Variants in LGR6 observed in about 807,000 individuals in gnomAD.
LGR6 encodes the protein leucine rich repeat containing G protein-coupled receptor 6.
A neutral mutation model predicts 69.4 loss-of-function variants in LGR6; 45 were observed. The ratio of observed to expected loss-of-function variants is 0.65; its 90% CI spans 0.51 to 0.83. The LOEUF is 0.83. LGR6 is among the 40% of genes least tolerant of loss of function. The probability of loss-of-function intolerance (pLI) is 0.00; values close to 1 mark genes in which losing one functional copy is unlikely to be tolerated. For synonymous variants in LGR6, 538 were observed against 555.0 expected (o/e 0.97, Z 0.43); for missense variants, 1,108 against 1,246.7 (o/e 0.89, Z 1.68).
At chr1:202,306,428 A>C (rs930395834) in intron 12 of LGR6, among the ~76,000 whole-genome samples, 2 of 152,132 alleles carry the variant, frequency 1.3e-5, no homozygotes, top group Non-Finnish European at 2.9e-5. Context: ...TGCCAAGGGA[A>C]GGAGGGTCTT....
Position 202,301,229 on chromosome 1 carries a change from A to G in LGR6, c.923A>G (p.His308Arg), listed in dbSNP as rs750014816. 1.2e-6 allele frequency: 2 copies of G among 1,613,838 alleles called. No homozygotes were observed. The highest frequency in any genetic ancestry group is 1.7e-6 in the Non-Finnish European group (2 of 1,179,838). Reference sequence around the variant, plus strand: ...GCATTCCAGTACCTGCCTAAACTCCACACACTGTAAGTTGGCTCCTGAAGG... The same window carrying G: ...GCATTCCAGTACCTGCCTAAACTCCGCACACTGTAAGTTGGCTCCTGAAGG... ...RSAFQYLPKL[H>R]TLSLNGAMDI... Residue 308 changes from histidine (H) to arginine (R), a missense_variant, in exon 9 of 18, where the codon CAC becomes CGC. Physicochemically the swap from His to Arg is conservative, Grantham distance 29. Transcript: ENST00000367278.
chr1:202,292,238 TCA>T (rs1006740015), intron 6 of LGR6, among the ~76,000 whole-genome samples: 3 of 152,182 alleles, frequency 2.0e-5, no homozygotes, highest in African/African-American at 7.2e-5. Context: ...AGTGACAGAC[TCA>T]GTTTTGCATT....
chr1:202,303,724 T>C (rs908793590), intron 10 of LGR6, among the ~76,000 whole-genome samples: 1 of 152,186 alleles, frequency 6.6e-6, no homozygotes, highest in African/African-American at 2.4e-5. Flanking sequence ...TATTTTCTAT[T>C]ATTATCTCCT....
At position 202,314,802 on chromosome 1, in the gene LGR6, A is replaced by T. The variant is rs776892212; in HGVS notation, c.1568A>T (p.Tyr523Phe). The T allele has an allele frequency of 6.2e-7, 1 of 1,613,408 alleles. No homozygotes were observed. The highest frequency in any genetic ancestry group is 1.1e-5 in the South Asian group (1 of 91,050). The change falls in exon 17 of 18, where the codon TAT becomes TTT. Residue 523 changes from tyrosine (Y) to phenylalanine (F), a missense_variant and splice_region_variant. Transcript: ENST00000367278. The part of the protein sequence containing the change: ...GLLARQAENH[Y>F]DQDLDELQLE... ...TGCATCACTTTGTCTCTCCTTTCAG[A>T]TGACCAGGACCTGGATGAGCTCCAG...
rs1389596569 is a variant in LGR6, at chr1:202,198,797, A to C, written c.212+4596A>C. Among the ~76,000 whole-genome samples the C allele has an allele frequency of 4.6e-5, 7 of 151,854 alleles. No individual in the cohort carries two copies. The East Asian group carries it at 1.4e-3, about 29-fold the overall frequency. On this transcript the variant is annotated intron_variant, in intron 1 of 17. Transcript: ENST00000367278. ...CTAGACGGGCCCCTGCAGGGGCTACAGATGAGGAAGCAGAGAAACAGGCAG... is the reference window on the plus strand; with the variant it reads ...CTAGACGGGCCCCTGCAGGGGCTACCGATGAGGAAGCAGAGAAACAGGCAG...
chr1:202,319,308 T>G lies in LGR6; in HGVS notation c.*101T>G. 7.6e-7 allele frequency: 1 copy of G among 1,308,080 alleles called. No individual in the cohort carries two copies. The highest frequency in any genetic ancestry group is 2.8e-5 in the Admixed American group (1 of 35,958). 81.0% of individuals were successfully genotyped at this position (1,308,080 alleles called of 1,614,324 possible). On this transcript the variant is annotated 3_prime_UTR_variant, in exon 18 of 18. Coordinates refer to ENST00000367278, the MANE Select transcript of LGR6 (RefSeq NM_001017403.2). ...AACAAATACAACCAAAACTCAGCAG[T>G]GTGATCTATAGCAGGATGGCCCAGT...
At chr1:202,230,777 C>A (rs541143874) in intron 3 of LGR6, among the ~76,000 whole-genome samples, 2 of 152,338 alleles carry the variant, frequency 1.3e-5, no homozygotes, top group South Asian at 4.1e-4. Flanking sequence ...CATCTTCTCA[C>A]ATCTGCAGAC....
At chr1:202,254,095 G>A (rs913781133) in intron 4 of LGR6, among the ~76,000 whole-genome samples, 5 of 152,106 alleles carry the variant, frequency 3.3e-5, no homozygotes, top group South Asian at 2.1e-4. Context: ...GTGAGCCACC[G>A]CGCCCGGCCT....
intron 1 of LGR6, among the ~76,000 whole-genome samples, chr1:202,206,892 TA>T (rs1454508426): frequency 0.01 from 63 of 6,240 alleles, no homozygotes; most frequent in East Asian, 0.048. Context: ...CAAATTATTT[TA>T]TTTATTTATT....
Position 202,300,957 on chromosome 1 carries a change from A to G in LGR6, c.857+37A>G, listed in dbSNP as rs535217138. ...TTTCTCTGGTCTCTTAATGCCGAAC[A>G]GTGTTTCAGGGAGGAGGACAGAGGA... On this transcript the variant is annotated intron_variant, in intron 8 of 17. Coordinates refer to ENST00000367278, the MANE Select transcript of LGR6 (RefSeq NM_001017403.2). The G allele has an allele frequency of 4.6e-5, 71 of 1,557,886 alleles. No individual in the cohort carries two copies. In the African/African-American group the frequency reaches 4.7e-4, roughly 10 times the overall value.
rs1666040489 is a variant in LGR6, at chr1:202,281,985, G to A, written c.716+1133G>A. 1.3e-5 allele frequency among the ~76,000 whole-genome samples: 2 copies of A among 152,196 alleles called. 1 individual carries two copies. Among genetic ancestry groups the A allele is most frequent in the South Asian group, 4.1e-4 (2 of 4,832 alleles). On this transcript the variant is annotated intron_variant, in intron 6 of 17. Coordinates refer to ENST00000367278, the MANE Select transcript of LGR6 (RefSeq NM_001017403.2). ...TGTGGTGGTGCAGGGAAAAGTAATA[G>A]GGAGGCTGAGACCCAAGCTCCACTC... is the stretch of plus-strand genomic sequence containing the variant.
intron 16 of LGR6, among the ~76,000 whole-genome samples, chr1:202,313,980 ATTC>A (rs1653941827): frequency 2.0e-5 from 3 of 152,286 alleles, no homozygotes; most frequent in Admixed American, 2.0e-4. Context: ...CATCCCTGAA[ATTC>A]TTCTGCATTT....
chr1:202,314,896 T>TGGGGAATGGGGACGAG lies in LGR6; in HGVS notation c.1648+24_1648+39dup, dbSNP rs772247892. 3 of 1,599,482 alleles carry TGGGGAATGGGGACGAG rather than the reference T, an allele frequency of 1.9e-6. No homozygotes were observed. In the African/African-American group the frequency reaches 4.0e-5, roughly 21 times the overall value. ...GCCCTACTCCAGGTGAGGTGGTGTC[T>TGGGGAATGGGGACGAG]GGGGAATGGGGACGAGGGGGAATGG... On this transcript the variant is annotated intron_variant, in intron 17 of 17. Transcript: ENST00000367278.
intron 5 of LGR6, among the ~76,000 whole-genome samples, chr1:202,278,781 G>T (rs1029131582): frequency 2.0e-5 from 3 of 152,154 alleles, no homozygotes; most frequent in African/African-American, 7.2e-5. Context: ...CAGGCAAGCA[G>T]GGTGGAGGAG....
At chr1:202,264,044 T>C (rs980979258) in intron 4 of LGR6, among the ~76,000 whole-genome samples, 4 of 151,624 alleles carry the variant, frequency 2.6e-5, no homozygotes, top group African/African-American at 9.7e-5. Context: ...AATGGAGAAA[T>C]TGATGGATGG....
At chr1:202,213,012 CA>C (rs1054206252) in intron 1 of LGR6, among the ~76,000 whole-genome samples, 2 of 152,174 alleles carry the variant, frequency 1.3e-5, no homozygotes, top group African/African-American at 4.8e-5. Flanking sequence ...AGGCTCTGTC[CA>C]GCAGTATCTG....
At chr1:202,255,732 T>C (rs1031670704) in intron 4 of LGR6, among the ~76,000 whole-genome samples, 4 of 152,234 alleles carry the variant, frequency 2.6e-5, no homozygotes, top group African/African-American at 9.6e-5. Context: ...TCTGTGTATT[T>C]CTCTATGAGC....
At chr1:202,290,550 C>T (rs1170765132) in intron 6 of LGR6, among the ~76,000 whole-genome samples, 2 of 152,186 alleles carry the variant, frequency 1.3e-5, no homozygotes, top group African/African-American at 4.8e-5. Context: ...CAATTTACCT[C>T]CTCTCTCCAA....
Position 202,305,747 on chromosome 1 carries a change from A to C in LGR6, c.1134A>C (p.Glu378Asp). Residue 378 changes from glutamate (E) to aspartate (D), a missense_variant and splice_region_variant, in exon 12 of 18, where the codon GAA becomes GAC. By Grantham distance (45) the Glu-to-Asp change is conservative. Coordinates refer to ENST00000367278, the MANE Select transcript of LGR6 (RefSeq NM_001017403.2). ...PSLHRCQKLE[E>D]IGLQHNRIWE... ...TGCACAGGTGTCAGAAATTGGAGGA[A>C]ATGTGAGTCTGGGGTAGGGAAGAGG... 1 of 1,614,044 alleles carries C rather than the reference A, an allele frequency of 6.2e-7. No individual in the cohort carries two copies. Among genetic ancestry groups the C allele is most frequent in the Non-Finnish European group, 8.5e-7 (1 of 1,179,930 alleles).
Sources: gnomAD v4.1 joint callset for allele counts (sites outside exome capture counted in the v4.1 genomes callset) on GRCh38, gnomAD v4.1.1 for gene constraint, MANE v1.5 for transcripts, NCBI Gene and HGNC (gene_info 2026-07-23, HGNC 2026-07-21) for gene names.